Variants in TMX4 observed in about 807,000 individuals in gnomAD.
The protein encoded by TMX4 is thioredoxin-related transmembrane protein 4.
TMX4 carries 23 observed loss-of-function variants against 33.3 expected under a neutral mutation model. That is an observed-to-expected ratio of 0.69 (90% CI 0.50 to 0.98). The LOEUF is 0.98. Ranked by LOEUF, TMX4 falls within the 50% of genes least tolerant of loss-of-function variation. The pLI is 0.00. For synonymous variants in TMX4, 164 were observed against 161.5 expected (o/e 1.02, Z -0.12); for missense variants, 399 against 448.9 (o/e 0.89, Z 1.01).
chr20:8,007,344 C>A (rs2050735184), intron 2 of TMX4, among the ~76,000 whole-genome samples: 1 of 152,166 alleles, frequency 6.6e-6, no homozygotes, highest in Admixed American at 6.5e-5. Context: ...AAGAATCCCA[C>A]CACTTAACAC....
intron 1 of TMX4, chr20:8,018,919 A>G: frequency 2.5e-6 from 1 of 404,012 alleles, no homozygotes. Context: ...CTACGACACA[A>G]ATGGCCTGCC....
chr20:8,005,681 C>T (rs1568537865), intron 2 of TMX4, among the ~76,000 whole-genome samples: 1 of 152,146 alleles, frequency 6.6e-6, no homozygotes, highest in African/African-American at 2.4e-5. Flanking sequence ...AAGACATCGG[C>T]AGAAGAACAC....
In TMX4 at chr20:7,981,561, A is replaced by G. The variant is rs1368559566; in HGVS notation, c.*690T>C. 1 of 152,206 alleles carries G rather than the reference A, an allele frequency of 6.6e-6. No individual in the cohort carries two copies. Among genetic ancestry groups the G allele is most frequent in the Non-Finnish European group, 1.5e-5 (1 of 68,036 alleles). 9.4% of individuals were successfully genotyped at this position (152,206 alleles called of 1,614,324 possible). A position where few individuals can be genotyped will look rare whatever the true frequency, so the allele number is the denominator to read the frequency against. On this transcript the variant is annotated 3_prime_UTR_variant, in exon 8 of 8. Transcript: ENST00000246024. ...GATTATCTAAACCCCTTAGGTCAGA[A>G]TGAACAAACACAGTTCATGTAAACC...
intron 3 of TMX4, among the ~76,000 whole-genome samples, chr20:8,000,532 G>T (rs77555528): frequency 0.014 from 2,077 of 152,052 alleles, 53 homozygotes; most frequent in East Asian, 0.064. Context: ...TTTCTTCCTT[G>T]TGCTTGGCTT....
intron 5 of TMX4, among the ~76,000 whole-genome samples, chr20:7,992,238 C>CT (rs2050658248): frequency 6.6e-6 from 1 of 152,228 alleles, no homozygotes; most frequent in African/African-American, 2.4e-5. Flanking sequence ...AGAAACTCCT[C>CT]TAACTGTCCC....
At chr20:7,995,721 A>G (rs1163621885) in intron 5 of TMX4, among the ~76,000 whole-genome samples, 1 of 152,106 alleles carries the variant, frequency 6.6e-6, no homozygotes, top group African/African-American at 2.4e-5. Flanking sequence ...GTAGGGAGAT[A>G]TGCCTACAAA....
chr20:7,984,475 C>T (rs545571605), intron 6 of TMX4, among the ~76,000 whole-genome samples: 1 of 151,762 alleles, frequency 6.6e-6, no homozygotes, highest in East Asian at 1.9e-4. Context: ...GGTTGGAGAA[C>T]AATAAGCTCT....
intron 2 of TMX4, among the ~76,000 whole-genome samples, chr20:8,007,675 C>T (rs531579008): frequency 6.6e-6 from 1 of 152,276 alleles, no homozygotes; most frequent in African/African-American, 2.4e-5. Flanking sequence ...AAGCCAAGTA[C>T]ACTCCTACCT....
At chr20:7,998,504 C>A (rs2050687013) in intron 4 of TMX4, among the ~76,000 whole-genome samples, 1 of 152,152 alleles carries the variant, frequency 6.6e-6, no homozygotes, top group Non-Finnish European at 1.5e-5. Context: ...CTTGCCCTCT[C>A]CAATCTCCTC....
chr20:8,014,114 A>G (rs543775707), intron 1 of TMX4, among the ~76,000 whole-genome samples: 23 of 152,362 alleles, frequency 1.5e-4, no homozygotes, highest in Non-Finnish European at 3.1e-4. Flanking sequence ...TCTTTGGACA[A>G]TAATTTCTAG....
intron 1 of TMX4, among the ~76,000 whole-genome samples, chr20:8,014,756 C>G (rs2122883868): frequency 6.6e-6 from 1 of 152,262 alleles, no homozygotes; most frequent in East Asian, 1.9e-4. Context: ...TCTTTACTTG[C>G]AGAAACTAGA....
chr20:8,007,191 C>T (rs1372846404), intron 2 of TMX4, among the ~76,000 whole-genome samples: 2 of 152,164 alleles, frequency 1.3e-5, no homozygotes, highest in African/African-American at 4.8e-5. Context: ...CTCAAACTTA[C>T]ATCTCTAGTT....
intron 6 of TMX4, among the ~76,000 whole-genome samples, chr20:7,986,438 T>C (rs759810878): frequency 6.6e-6 from 1 of 152,200 alleles, no homozygotes; most frequent in African/African-American, 2.4e-5. Context: ...TTATAAAATA[T>C]AAGGACAGAC....
intron 1 of TMX4, among the ~76,000 whole-genome samples, chr20:8,012,280 T>C (rs533615917): frequency 3.2e-4 from 49 of 152,254 alleles, no homozygotes; most frequent in African/African-American, 1.1e-3. Flanking sequence ...ATAATAACAG[T>C]AGCTACCTTA....
At chr20:8,012,581 A>G (rs999538205) in intron 1 of TMX4, among the ~76,000 whole-genome samples, 1 of 152,276 alleles carries the variant, frequency 6.6e-6, no homozygotes, top group South Asian at 2.1e-4. Flanking sequence ...AAGTAACAAG[A>G]ATAAGGAAGT....
intron 7 of TMX4, 32 bp downstream of exon 7, chr20:7,983,762 C>T: frequency 2.5e-6 from 4 of 1,597,354 alleles, no homozygotes; most frequent in Non-Finnish European, 3.4e-6. Context: ...ATTCCAAAAA[C>T]ACTCTAGATC....
At chr20:7,985,279 T>TATATA (rs1568533383) in intron 6 of TMX4, among the ~76,000 whole-genome samples, 26 of 123,674 alleles carry the variant, frequency 2.1e-4, no homozygotes, top group African/African-American at 6.3e-4. Context: ...ATATATATAT[T>TATATA]TTTTTTTTTT....
intron 5 of TMX4, among the ~76,000 whole-genome samples, chr20:7,990,308 AT>A: frequency 6.6e-6 from 1 of 151,896 alleles, no homozygotes; most frequent in Non-Finnish European, 1.5e-5. Context: ...AAAAAAAAAA[AT>A]CTTAGTCTGT....
chr20:8,011,663 C>T (rs981831545), intron 1 of TMX4, among the ~76,000 whole-genome samples: 1 of 152,052 alleles, frequency 6.6e-6, no homozygotes, highest in East Asian at 1.9e-4. Flanking sequence ...TAGGCAGAAC[C>T]CAGAAGAGAA....
Sources: allele counts gnomAD v4.1 joint callset (sites outside exome capture counted in the v4.1 genomes callset), GRCh38; gene constraint gnomAD v4.1.1; transcripts MANE v1.5; gene names NCBI Gene and HGNC (gene_info 2026-07-23, HGNC 2026-07-21).